CAST: variants seen among roughly 807,000 people sequenced by gnomAD.
CAST encodes MIR583 host.
A neutral mutation model predicts 119.6 loss-of-function variants in CAST; 76 were observed. The ratio of observed to expected loss-of-function variants is 0.64; its 90% CI spans 0.53 to 0.77. CAST has a LOEUF of 0.77. Ranked by LOEUF, CAST falls within the 30% of genes least tolerant of loss-of-function variation. The pLI is 0.00. For synonymous variants in CAST, 319 were observed against 331.6 expected (o/e 0.96, Z 0.41); for missense variants, 953 against 946.5 (o/e 1.01, Z -0.09).
the CAST span, among the ~76,000 whole-genome samples, chr5:96,187,840 T>TAGTC: frequency 6.6e-6 from 1 of 152,238 alleles, no homozygotes; most frequent in Admixed American, 6.5e-5. Flanking sequence ...AGAGCTTTCT[T>TAGTC]GACTGACTGT....
chr5:96,534,757 GAAAGAAAGAA>G lies in CAST; in HGVS notation c.60+4879_60+4888del, dbSNP rs1561408949. Among the ~76,000 whole-genome samples, 60 of 70,466 alleles carry G rather than the reference GAAAGAAAGAA, an allele frequency of 8.5e-4. 3 individuals are homozygous for G. The highest frequency in any genetic ancestry group is 3.6e-3 in the South Asian group (8 of 2,234). 46.2% of individuals were successfully genotyped at this position (70,466 alleles called of 152,430 possible). On this transcript the variant is annotated intron_variant, in intron 1 of 11. Transcript: ENST00000505143. ...AGAGAGAGAGAAAGAAAGAAAGAAA[GAAAGAAAGAA>G]AGAAAGAAAGAAAGAAAGAAAGAAA...
the CAST span, among the ~76,000 whole-genome samples, chr5:96,370,688 G>C: frequency 7.2e-5 from 11 of 152,200 alleles, no homozygotes; most frequent in Non-Finnish European, 1.5e-4. Context: ...AGTTTGGATT[G>C]TAAGTGCCTA....
chr5:96,190,800 G>A, the CAST span, among the ~76,000 whole-genome samples: 951 of 152,208 alleles, frequency 6.2e-3, 13 homozygotes, highest in African/African-American at 0.022. Context: ...GCATGATGCT[G>A]AGGTTTGGGT....
intron 1 of CAST, among the ~76,000 whole-genome samples, chr5:96,543,616 T>A (rs1745955934): frequency 6.6e-6 from 1 of 152,182 alleles, no homozygotes; most frequent in South Asian, 2.1e-4. Context: ...AACTAATCGA[T>A]GGTTTTTTTC....
At chr5:96,034,223 A>G in the CAST span, among the ~76,000 whole-genome samples, 1 of 152,160 alleles carries the variant, frequency 6.6e-6, no homozygotes, top group East Asian at 1.9e-4. Context: ...ATTTATCATC[A>G]GGGAAATGCA....
the CAST span, among the ~76,000 whole-genome samples, chr5:96,357,691 G>A: frequency 6.6e-6 from 1 of 152,114 alleles, no homozygotes. Flanking sequence ...CGAGTTGATT[G>A]TGGTGGATAA....
In CAST at chr5:96,530,872, A is replaced by G. The variant is rs1177487101; in HGVS notation, c.60+992A>G. On this transcript the variant is annotated intron_variant, in intron 1 of 11. Coordinates refer to the CAST transcript ENST00000505143. Reference sequence around the variant, plus strand: ...AGTGGCACAATCCTGGCTCACTATAACATTGACCTCCCTGGGCTTAGGTGA... The same window carrying G: ...AGTGGCACAATCCTGGCTCACTATAGCATTGACCTCCCTGGGCTTAGGTGA... Among the ~76,000 whole-genome samples, 4 of 152,258 alleles carry G rather than the reference A, an allele frequency of 2.6e-5. No individual in the cohort carries two copies. The South Asian group carries it at 8.3e-4, about 32-fold the overall frequency.
chr5:96,622,454 T>G lies in CAST; in HGVS notation c.61-53085T>G, dbSNP rs375809140. 5.6e-4 allele frequency among the ~76,000 whole-genome samples: 85 copies of G among 152,318 alleles called. No individual in the cohort carries two copies. The South Asian group carries it at 0.018, about 32-fold the overall frequency. On this transcript the variant is annotated intron_variant, in intron 1 of 11. Coordinates refer to the CAST transcript ENST00000505143. ...CAGACACTAAGGGAGAAAGAGAGAA[T>G]GCATGTAGAAAATACAGCAAATGGT...
At chr5:96,645,082 C>T (rs1413495845) in intron 1 of CAST, among the ~76,000 whole-genome samples, 1 of 152,190 alleles carries the variant, frequency 6.6e-6, no homozygotes, top group African/African-American at 2.4e-5. Context: ...TACATACTCA[C>T]TATATTTAGT....
chr5:96,002,254 A>G, the CAST span, among the ~76,000 whole-genome samples: 6 of 152,246 alleles, frequency 3.9e-5, no homozygotes, highest in Non-Finnish European at 7.3e-5. Context: ...GATTAGCTCA[A>G]ACAAAAAGAG....
intron 1 of CAST, among the ~76,000 whole-genome samples, chr5:96,585,673 A>G (rs1247400859): frequency 6.6e-6 from 1 of 152,240 alleles, no homozygotes; most frequent in African/African-American, 2.4e-5. Context: ...AACAGAAAGA[A>G]GGACATTGAG....
rs748508151 is a variant in CAST, at chr5:96,727,459, C to G, written c.337-30C>G. ...ATGTCTATCTTTCTTTTCTTCCTTC[C>G]TTTTTTTCTTTCTTTTTTTCTGAAC... On this transcript the variant is annotated intron_variant, in intron 5 of 31. Coordinates refer to ENST00000675179, the MANE Select transcript of CAST (RefSeq NM_001750.7). The G allele has an allele frequency of 9.1e-6, 12 of 1,321,740 alleles. No homozygotes were observed. In the Middle Eastern group the frequency reaches 6.0e-4, roughly 66 times the overall value. The allele number at this position is 1,321,740 out of a possible 1,614,324, so 81.9% of individuals were successfully genotyped here. A position where few individuals can be genotyped will look rare whatever the true frequency, so the allele number is the denominator to read the frequency against.
chr5:96,254,698 C>T, the CAST span, among the ~76,000 whole-genome samples: 1 of 152,010 alleles, frequency 6.6e-6, no homozygotes, highest in Non-Finnish European at 1.5e-5. Context: ...TGAAATCTTG[C>T]CCAGAGTTAT....
chr5:96,685,766 C>T (rs1561472080), intron 2 of CAST, among the ~76,000 whole-genome samples: 1 of 152,142 alleles, frequency 6.6e-6, no homozygotes. Flanking sequence ...CTCCTAGGCT[C>T]CATCTCCAGA....
chr5:96,263,301 TG>T, the CAST span, among the ~76,000 whole-genome samples: 4 of 150,398 alleles, frequency 2.7e-5, no homozygotes, highest in Non-Finnish European at 5.9e-5. Context: ...GATCTGTGGG[TG>T]GAGAAGGGTG....
chr5:96,530,712 C>T (rs1157342173), intron 1 of CAST, among the ~76,000 whole-genome samples: 1 of 152,102 alleles, frequency 6.6e-6, no homozygotes, highest in African/African-American at 2.4e-5. Flanking sequence ...GAGAGAGGGA[C>T]CAGTTCAGAA....
the CAST span, among the ~76,000 whole-genome samples, chr5:96,317,842 G>T: frequency 6.6e-6 from 1 of 152,088 alleles, no homozygotes; most frequent in South Asian, 2.1e-4. Flanking sequence ...TAAAGGTTTG[G>T]TAACATCTGC....
At chr5:96,431,980 T>G in the CAST span, 1 of 772,454 alleles carries the variant, frequency 1.3e-6, no homozygotes, top group East Asian at 2.7e-5. Context: ...GTCTCCCACT[T>G]AATGTCTTGA....
the CAST span, among the ~76,000 whole-genome samples, chr5:96,173,179 A>T: frequency 6.6e-6 from 1 of 152,196 alleles, no homozygotes; most frequent in Non-Finnish European, 1.5e-5. Flanking sequence ...CATGGGAAAG[A>T]TGTTCAAAAT....
Sources: allele counts gnomAD v4.1 joint callset (sites outside exome capture counted in the v4.1 genomes callset), GRCh38; gene constraint gnomAD v4.1.1; transcripts MANE v1.5; gene names NCBI Gene and HGNC (gene_info 2026-07-23, HGNC 2026-07-21).